Variants in A4GALT observed in about 807,000 individuals in gnomAD.
A4GALT encodes lactosylceramide 4-alpha-galactosyltransferase.
For synonymous variants in A4GALT, 257 were observed against 220.7 expected, an observed-to-expected ratio of 1.16 and a Z score of -1.46; for missense variants, 512 against 486.0, an observed-to-expected ratio of 1.05 and a Z score of -0.50.
intron 1 of A4GALT, among the ~76,000 whole-genome samples, chr22:42,716,469 C>T (rs738526): frequency 0.63 from 95,940 of 152,040 alleles, 30,996 homozygotes; most frequent in East Asian, 0.84. Context: ...AAAGTGGTTT[C>T]CTGCTTTGAC....
At chr22:42,696,113 C>T (rs1930907897) in intron 1 of A4GALT, among the ~76,000 whole-genome samples, 1 of 31,302 alleles carries the variant, frequency 3.2e-5, no homozygotes, top group Non-Finnish European at 5.4e-5. Flanking sequence ...CAGAGCCAGA[C>T]TCTATCTCAA....
intron 1 of A4GALT, among the ~76,000 whole-genome samples, chr22:42,715,859 TTTCG>T (rs1922129909): frequency 2.6e-5 from 1 of 38,246 alleles, no homozygotes; most frequent in African/African-American, 5.6e-5. Context: ...TGAGATGGAG[TTTCG>T]CTCTTTTTGC....
chr22:42,705,614 A>G (rs1921013443), intron 1 of A4GALT, among the ~76,000 whole-genome samples: 1 of 118,386 alleles, frequency 8.4e-6, no homozygotes, highest in Admixed American at 8.6e-5. Flanking sequence ...AAAAAAAAAG[A>G]AAAAGAAAAA....
At chr22:42,706,232 A>G (rs184014005) in intron 1 of A4GALT, among the ~76,000 whole-genome samples, 1,472 of 146,220 alleles carry the variant, frequency 0.01, 32 homozygotes, top group African/African-American at 0.035. Flanking sequence ...GCGGGCACCT[A>G]TAGTCCCAGT....
Position 42,692,646 on chromosome 22 carries a change from G to C in A4GALT, c.*244C>G, listed in dbSNP as rs574074103. On this transcript the variant is annotated 3_prime_UTR_variant, in exon 3 of 3. Transcript: ENST00000642412. The surrounding 1 kb of genome is among the most constrained non-coding windows in gnomAD (Gnocchi z 4.6). The stretch of plus-strand genomic sequence containing the variant: ...TTCCTGCCTGTTGTCTAGAAGGCCC[G>C]GGGCACTCACTGAGCGCCCTCCGCT... 7 of 657,774 alleles carry C rather than the reference G, an allele frequency of 1.1e-5. No homozygotes were observed. The highest frequency in any genetic ancestry group is 2.0e-5 in the Non-Finnish European group (7 of 357,174). The allele number at this position is 657,774 out of a possible 1,614,324, so 40.7% of individuals were successfully genotyped here.
At chr22:42,717,050 G>A (rs368953593) in intron 1 of A4GALT, among the ~76,000 whole-genome samples, 6 of 152,130 alleles carry the variant, frequency 3.9e-5, no homozygotes, top group African/African-American at 1.4e-4. Flanking sequence ...ACAGGGGAAG[G>A]TGTGTGGGCA....
Position 42,693,323 on chromosome 22 carries a change from G to A in A4GALT, c.629C>T (p.Thr210Ile). 1.2e-6 allele frequency: 2 copies of A among 1,613,160 alleles called. No homozygotes were observed. Among genetic ancestry groups the A allele is most frequent in the Non-Finnish European group, 8.5e-7 (1 of 1,179,998 alleles). ...GCCGTTGAGGACGTAGCGGGACTGGGTGCCCAGCACGTTGGTCAGGTTCCG... is the reference window on the plus strand; with the variant it reads ...GCCGTTGAGGACGTAGCGGGACTGGATGCCCAGCACGTTGGTCAGGTTCCG... Reference protein sequence around the residue: ...NLRNLTNVLGTQSRYVLNGAF... With the variant: ...NLRNLTNVLGIQSRYVLNGAF... The change falls in exon 3 of 3, where the codon ACC (threonine) becomes ATC (isoleucine). Residue 210 changes from threonine (T) to isoleucine (I), a missense_variant. Coordinates refer to ENST00000642412, the MANE Select transcript of A4GALT (RefSeq NM_017436.7).
chr22:42,698,026 G>C (rs1371664670), intron 1 of A4GALT, among the ~76,000 whole-genome samples: 1 of 152,106 alleles, frequency 6.6e-6, no homozygotes, highest in South Asian at 2.1e-4. Flanking sequence ...TGAGGTGGGC[G>C]GATCATGAAG....
At chr22:42,699,901 A>G (rs937422707) in intron 1 of A4GALT, among the ~76,000 whole-genome samples, 3 of 152,164 alleles carry the variant, frequency 2.0e-5, no homozygotes, top group African/African-American at 7.2e-5. Context: ...CCCAACCCTG[A>G]GTAGAAGGAA....
chr22:42,705,007 A>G (rs773234752), intron 1 of A4GALT, among the ~76,000 whole-genome samples: 17 of 152,178 alleles, frequency 1.1e-4, no homozygotes, highest in Non-Finnish European at 2.1e-4. Context: ...GGCTGGAGGC[A>G]AGTGACCTCT....
intron 1 of A4GALT, among the ~76,000 whole-genome samples, chr22:42,703,675 T>C (rs1920945183): frequency 6.6e-6 from 1 of 152,184 alleles, no homozygotes; most frequent in South Asian, 2.1e-4. Context: ...ACTTTCCTTT[T>C]TGGGCCTCAG....
At chr22:42,716,636 T>G (rs915425693) in intron 1 of A4GALT, among the ~76,000 whole-genome samples, 1 of 152,084 alleles carries the variant, frequency 6.6e-6, no homozygotes, top group African/African-American at 2.4e-5. Flanking sequence ...CCAGCCTCAT[T>G]TGCCTGGGGC....
intron 1 of A4GALT, among the ~76,000 whole-genome samples, chr22:42,698,111 G>A (rs1026407333): frequency 3.3e-5 from 5 of 152,194 alleles, no homozygotes; most frequent in South Asian, 2.1e-4. Flanking sequence ...TAGCTGGCAT[G>A]ATGGTGCACG....
chr22:42,715,199 T>G (rs1013648385), intron 1 of A4GALT, among the ~76,000 whole-genome samples: 2 of 152,086 alleles, frequency 1.3e-5, no homozygotes, highest in African/African-American at 4.8e-5. Flanking sequence ...CAATACAGCT[T>G]CATACCATAA....
intron 1 of A4GALT, among the ~76,000 whole-genome samples, chr22:42,695,914 GGAGTTC>G (rs1356228138): frequency 1.3e-5 from 2 of 151,916 alleles, no homozygotes; most frequent in African/African-American, 4.8e-5. Context: ...CTTGAGATCA[GGAGTTC>G]GAGACCAGCC....
At chr22:42,702,495 T>C (rs5758875) in intron 1 of A4GALT, among the ~76,000 whole-genome samples, 56,542 of 152,078 alleles carry the variant, frequency 0.37, 10,814 homozygotes, top group South Asian at 0.42. Flanking sequence ...CCACCATGTC[T>C]GGCTAATTTT....
rs543529172 is a variant in A4GALT, at chr22:42,692,636, T to C, written c.*254A>G. On this transcript the variant is annotated 3_prime_UTR_variant, in exon 3 of 3. Transcript: ENST00000642412. This position sits in a 1 kb window ranked among gnomAD's most constrained non-coding sequence, Gnocchi z 4.6. ...AGGTTCATCCTTCCTGCCTGTTGTC[T>C]AGAAGGCCCGGGGCACTCACTGAGC... 412 of 639,520 alleles carry C rather than the reference T, an allele frequency of 6.4e-4. 3 individuals carry two copies. The African/African-American group carries it at 6.9e-3, about 11-fold the overall frequency. The allele number at this position is 639,520 out of a possible 1,614,324, so 39.6% of individuals were successfully genotyped here.
intron 1 of A4GALT, among the ~76,000 whole-genome samples, chr22:42,708,937 T>C (rs532921844): frequency 1.3e-5 from 2 of 151,440 alleles, no homozygotes; most frequent in Non-Finnish European, 2.9e-5. Context: ...GGACTACCAT[T>C]ACAAAACAAA....
chr22:42,692,457 G>C lies in A4GALT; in HGVS notation c.*433C>G, dbSNP rs3747193. The stretch of plus-strand genomic sequence containing the variant: ...CCTCCGCCCCGGACCCTTGGGGCTG[G>C]GTCTCCCCCAGCCCTGCCACTTTCC... On this transcript the variant is annotated 3_prime_UTR_variant, in exon 3 of 3. Coordinates refer to ENST00000642412, the MANE Select transcript of A4GALT (RefSeq NM_017436.7). This position sits in a 1 kb window ranked among gnomAD's most constrained non-coding sequence, Gnocchi z 4.6. 2 of 349,756 alleles carry C rather than the reference G, an allele frequency of 5.7e-6. No homozygotes were observed. The highest frequency in any genetic ancestry group is 2.1e-5 in the South Asian group (1 of 46,756). 21.7% of individuals were successfully genotyped at this position (349,756 alleles called of 1,614,324 possible).
Sources: gnomAD v4.1 joint callset for allele counts (sites outside exome capture counted in the v4.1 genomes callset) on GRCh38, gnomAD v4.1.1 for gene constraint, Gnocchi (gnomAD v3.1) non-coding constraint, MANE v1.5 for transcripts, NCBI Gene and HGNC (gene_info 2026-07-23, HGNC 2026-07-21) for gene names.